CIT: variants seen among roughly 807,000 people sequenced by gnomAD.
CIT encodes the protein citron rho-interacting serine/threonine kinase, also known as citron Rho-interacting kinase.
In CIT, 79 loss-of-function variants were observed where a neutral mutation model predicts 272.7. The observed-to-expected ratio is 0.29, with a 90% confidence interval of 0.24 to 0.35. The LOEUF is 0.35. CIT is among the 10% of genes least tolerant of loss of function. CIT has a pLI of 1.00. For missense variants in CIT, 1,909 were observed against 2,618.3 expected (o/e 0.73, Z 5.91); for synonymous variants, 948 against 995.6 (o/e 0.95, Z 0.90).
At chr12:119,787,444 C>T (rs1329820860) in intron 10 of CIT, among the ~76,000 whole-genome samples, 3 of 143,572 alleles carry the variant, frequency 2.1e-5, no homozygotes, top group African/African-American at 7.8e-5. Context: ...AAAAAAAAAA[C>T]AAATAGGCCG....
At chr12:119,745,674 C>A (rs980212246) in intron 23 of CIT, among the ~76,000 whole-genome samples, 1 of 152,088 alleles carries the variant, frequency 6.6e-6, no homozygotes, top group African/African-American at 2.4e-5. Flanking sequence ...TTATAACGTT[C>A]CCAACACAAA....
intron 19 of CIT, among the ~76,000 whole-genome samples, chr12:119,764,485 A>T (rs1359954050): frequency 6.6e-6 from 1 of 151,932 alleles, no homozygotes; most frequent in African/African-American, 2.4e-5. Flanking sequence ...GCGTGGTGGC[A>T]TGCACCTATA....
intron 10 of CIT, among the ~76,000 whole-genome samples, chr12:119,801,011 T>C (rs924339705): frequency 2.0e-5 from 3 of 152,098 alleles, no homozygotes; most frequent in Non-Finnish European, 4.4e-5. Context: ...TGAAAGAAAA[T>C]CTTTCTGATT....
intron 22 of CIT, among the ~76,000 whole-genome samples, chr12:119,753,648 A>AATC (rs1291391502): frequency 2.8e-4 from 43 of 152,028 alleles, no homozygotes; most frequent in African/African-American, 1.0e-3. Context: ...GAGGCAGGAG[A>AATC]ATCACTTGAA....
intron 24 of CIT, among the ~76,000 whole-genome samples, chr12:119,736,743 T>C (rs1409097060): frequency 6.6e-6 from 1 of 152,240 alleles, no homozygotes; most frequent in Non-Finnish European, 1.5e-5. Context: ...TTCTGTGGCA[T>C]GTTAAATCTC....
chr12:119,810,767 A>G (rs1000981379), intron 9 of CIT, among the ~76,000 whole-genome samples: 1 of 151,278 alleles, frequency 6.6e-6, no homozygotes, highest in African/African-American at 2.4e-5. Context: ...AGAGATTTTG[A>G]TGGGAGTTCT....
At position 119,758,709 on chromosome 12, in the gene CIT, C is replaced by G. The variant is rs1485549443; in HGVS notation, c.2422-9G>C. On this transcript the variant is annotated splice_polypyrimidine_tract_variant and intron_variant, in intron 20 of 47. Coordinates refer to ENST00000392521, the MANE Select transcript of CIT (RefSeq NM_001206999.2). ...TCCATAGCATTGATCATCTGAAACACAGGGCACCTATGAAACTTCACACAC... is the reference window on the plus strand; with the variant it reads ...TCCATAGCATTGATCATCTGAAACAGAGGGCACCTATGAAACTTCACACAC... 3.8e-6 allele frequency: 6 copies of G among 1,571,108 alleles called. No individual in the cohort carries two copies. Among genetic ancestry groups the G allele is most frequent in the Non-Finnish European group, 5.3e-6 (6 of 1,141,002 alleles).
In CIT at chr12:119,718,853, A is replaced by T. The variant is rs1490246880; in HGVS notation, c.3849T>A (p.Phe1283Leu). 6.2e-7 allele frequency: 1 copy of T among 1,614,010 alleles called. No individual in the cohort carries two copies. Among genetic ancestry groups the T allele is most frequent in the Non-Finnish European group, 8.5e-7 (1 of 1,180,008 alleles). Residue 1283 changes from phenylalanine (F) to leucine (L), a missense_variant, in exon 31 of 48, where the codon TTT becomes TTA. Transcript: ENST00000392521. This position sits in a 1 kb window ranked among gnomAD's most constrained non-coding sequence, Gnocchi z 4.8. ...AAGCAGGGTCCTCTTTCCGTCGACT[A>T]AATAAACCCTAGCAATGGAAACAGA... ...DQPAKKKKGL[F>L]SRRKEDPALP...
intron 40 of CIT, 52 bp from the exon 41 acceptor site, chr12:119,704,507 G>A: frequency 6.6e-7 from 1 of 1,523,996 alleles, no homozygotes. Flanking sequence ...GATACCGGCT[G>A]TGGGGCAAAA....
intron 40 of CIT, among the ~76,000 whole-genome samples, chr12:119,705,771 CAAAAAAAAAAAAAAA>C (rs148188101): frequency 6.4e-5 from 3 of 46,616 alleles, no homozygotes; most frequent in African/African-American, 2.1e-4. Context: ...GACTCTGTCT[CAAAAAAAAAAAAAAA>C]AAAAAAAAAA....
At chr12:119,848,939 A>G (rs1029270741) in intron 5 of CIT, among the ~76,000 whole-genome samples, 1 of 152,058 alleles carries the variant, frequency 6.6e-6, no homozygotes. Context: ...GAGCCCAGGA[A>G]GTCGAGGCTG....
Position 119,713,705 on chromosome 12 carries a change from C to A in CIT, c.4307-57G>T. On this transcript the variant is annotated intron_variant, in intron 33 of 47. Transcript: ENST00000392521. This position sits in a 1 kb window ranked among gnomAD's most constrained non-coding sequence, Gnocchi z 5.2. ...TGCTCAGCTGACCCTGGACCCTTCC[C>A]TTCCTCTGCCAGCCAACGCCTGGGC... 1 of 1,580,352 alleles carries A rather than the reference C, an allele frequency of 6.3e-7. No individual in the cohort carries two copies. The highest frequency in any genetic ancestry group is 1.1e-5 in the South Asian group (1 of 90,090).
chr12:119,787,361 T>A (rs893586960), intron 10 of CIT, among the ~76,000 whole-genome samples: 2 of 148,340 alleles, frequency 1.3e-5, no homozygotes, highest in Admixed American at 1.3e-4. Flanking sequence ...AGCCCAGGAG[T>A]TCAAGGCTAC....
In CIT at chr12:119,712,921, G is replaced by A. The variant is rs922427139; in HGVS notation, c.4580-226C>T. The A allele has an allele frequency of 6.9e-6, 4 of 580,380 alleles. No individual in the cohort carries two copies. Among genetic ancestry groups the A allele is most frequent in the Non-Finnish European group, 1.2e-5 (4 of 327,438 alleles). 36.0% of individuals were successfully genotyped at this position (580,380 alleles called of 1,614,324 possible). On this transcript the variant is annotated intron_variant, in intron 35 of 47. Coordinates refer to ENST00000392521, the MANE Select transcript of CIT (RefSeq NM_001206999.2). This position sits in a 1 kb window ranked among gnomAD's most constrained non-coding sequence, Gnocchi z 5.2. ...GTAGCACAGTCAAATTTCTGATGAC[G>A]ATGCGGATTTATGGGTTAGTTGACT...
chr12:119,791,997 C>CT (rs1335401674), intron 10 of CIT, among the ~76,000 whole-genome samples: 1 of 152,116 alleles, frequency 6.6e-6, no homozygotes, highest in Non-Finnish European at 1.5e-5. Flanking sequence ...CGTGATGTAC[C>CT]TGTAAATAAT....
At chr12:119,800,434 T>A (rs1301141151) in intron 10 of CIT, among the ~76,000 whole-genome samples, 1 of 152,190 alleles carries the variant, frequency 6.6e-6, no homozygotes, top group East Asian at 1.9e-4. Context: ...TTAAAAATAG[T>A]CTGGGGTCCC....
rs745974725 is a variant in CIT at position 119,784,989 on chromosome 12, G to A, written c.1372C>T (p.Leu458=). The change falls in exon 11 of 48, where the codon CTA becomes TTA. Residue 458 remains leucine (L), a synonymous_variant. Coordinates refer to ENST00000392521, the MANE Select transcript of CIT (RefSeq NM_001206999.2). The surrounding 1 kb of genome is among the most constrained non-coding windows in gnomAD (Gnocchi z 4.7). ...TGACACTTGTCCTGAGAGTCTTGTA[G>A]CTCTTTGCTTTTGATGAGAAGTTTC... ...EKKLLIKSKE[L]QDSQDKCHKM... is the part of the protein sequence containing the mutation. 3.3e-5 allele frequency: 53 copies of A among 1,614,068 alleles called. No individual in the cohort carries two copies. The highest frequency in any genetic ancestry group is 4.2e-5 in the Non-Finnish European group (50 of 1,180,038).
intron 22 of CIT, among the ~76,000 whole-genome samples, chr12:119,756,453 G>A (rs548100750): frequency 2.4e-4 from 37 of 152,294 alleles, no homozygotes; most frequent in African/African-American, 8.7e-4. Flanking sequence ...AAAGGATTCG[G>A]TCTGTGGCTA....
At chr12:119,699,957 C>T (rs1365013158) in intron 44 of CIT, 1 of 453,758 alleles carries the variant, frequency 2.2e-6, no homozygotes, top group Non-Finnish European at 4.4e-6. Flanking sequence ...AACAGTTCCA[C>T]TTTTAGGAGC....
Sources: gnomAD v4.1 joint callset for allele counts (sites outside exome capture counted in the v4.1 genomes callset) on GRCh38, gnomAD v4.1.1 for gene constraint, Gnocchi (gnomAD v3.1) non-coding constraint, MANE v1.5 for transcripts, NCBI Gene and HGNC (gene_info 2026-07-23, HGNC 2026-07-21) for gene names.